The following THBS1 variants were observed in gnomAD, a reference collection of about 807,000 sequenced individuals.
THBS1 encodes thrombospondin-1.
THBS1 carries 29 observed loss-of-function variants against 126.1 expected under a neutral mutation model. The ratio of observed to expected loss-of-function variants is 0.23; its 90% CI spans 0.17 to 0.31. THBS1 has a LOEUF of 0.31. THBS1 is among the 10% of genes least tolerant of loss of function. THBS1 has a pLI of 1.00. For missense variants in THBS1, 1,198 were observed against 1,545.2 expected (o/e 0.78, Z 3.77); for synonymous variants, 496 against 577.8 (o/e 0.86, Z 2.03).
chr15:39,595,303 C>T, intron 21 of THBS1, 59 bp from the exon 22 acceptor site: 1 of 1,087,302 alleles, frequency 9.2e-7, no homozygotes, highest in Non-Finnish European at 1.3e-6. Context: ...ACTAAGATGT[C>T]TATGCTTTTA....
In THBS1 at chr15:39,584,526, T is replaced by C. The variant is rs568429484; in HGVS notation, c.1026+104T>C. 2.0e-5 allele frequency: 30 copies of C among 1,467,474 alleles called. No individual in the cohort carries two copies. The East Asian group carries it at 6.2e-4, about 30-fold the overall frequency. The allele number at this position is 1,467,474 out of a possible 1,614,324, so 90.9% of individuals were successfully genotyped here. On this transcript the variant is annotated intron_variant, in intron 6 of 21. Coordinates refer to ENST00000260356, the MANE Select transcript of THBS1 (RefSeq NM_003246.4). ...CCACAGAGATTCTTTTTATGTTCCATGGCCTGATAACAAAGTGTTTTTTTT... is the reference window on the plus strand; with the variant it reads ...CCACAGAGATTCTTTTTATGTTCCACGGCCTGATAACAAAGTGTTTTTTTT...
At chr15:39,581,788 A>G (rs1292348045) in intron 1 of THBS1, 41 bp from the exon 2 acceptor site, 4 of 1,377,922 alleles carry the variant, frequency 2.9e-6, no homozygotes, top group Non-Finnish European at 3.1e-6. Context: ...CTCCCTGCCT[A>G]GCTGATCTCT....
Position 39,583,778 on chromosome 15 carries a change from A to G in THBS1, c.703+86A>G, listed in dbSNP as rs1424665720. 9.1e-6 allele frequency: 13 copies of G among 1,434,504 alleles called. No homozygotes were observed. In the African/African-American group the frequency reaches 1.8e-4, roughly 20 times the overall value. 88.9% of individuals were successfully genotyped at this position (1,434,504 alleles called of 1,614,324 possible). On this transcript the variant is annotated intron_variant, in intron 4 of 21. Coordinates refer to ENST00000260356, the MANE Select transcript of THBS1 (RefSeq NM_003246.4). ...ACTGAGGAATTTAGCAATAGTGGTT[A>G]TACATAAATTACCCCCAGTGAGATC...
Position 39,593,131 on chromosome 15 carries a change from C to G in THBS1, c.2899C>G (p.Pro967Ala). 1 of 1,600,598 alleles carries G rather than the reference C, an allele frequency of 6.2e-7. No individual in the cohort carries two copies. Among genetic ancestry groups the G allele is most frequent in the Non-Finnish European group, 8.5e-7 (1 of 1,174,216 alleles). Residue 967 changes from proline to alanine, a missense_variant, in exon 18 of 22, where the codon CCC (proline) becomes GCC (alanine). Around this residue, in one of 4 missense-constraint regions of THBS1, gnomAD observed 255 missense variants for 373.9 expected, o/e 0.68. Transcript: ENST00000260356. The surrounding 1 kb of genome is among the most constrained non-coding windows in gnomAD (Gnocchi z 5.9). The stretch of plus-strand genomic sequence containing the variant: ...CCGATTCCAGATGATTCCTCTGGAC[C>G]CCAAAGGGACATCCCAAAATGACCC... Reference protein sequence around the residue: ...FRRFQMIPLDPKGTSQNDPNW... With the variant: ...FRRFQMIPLDAKGTSQNDPNW...
At chr15:39,588,304 G>T in intron 9 of THBS1, 86 bp downstream of exon 9, 1 of 1,489,250 alleles carries the variant, frequency 6.7e-7, no homozygotes, top group South Asian at 1.3e-5. Context: ...GCAGTTCAGT[G>T]GGTCATAGAG....
Position 39,595,743 on chromosome 15 carries a change from C to CA in THBS1, c.*375dup. 1 of 487,712 alleles carries CA rather than the reference C, an allele frequency of 2.1e-6. No individual in the cohort carries two copies. Among genetic ancestry groups the CA allele is most frequent in the Admixed American group, 2.3e-5 (1 of 43,502 alleles). 30.2% of individuals were successfully genotyped at this position (487,712 alleles called of 1,614,324 possible). A position where few individuals can be genotyped will look rare whatever the true frequency, so the allele number is the denominator to read the frequency against. On this transcript the variant is annotated 3_prime_UTR_variant, in exon 22 of 22. Coordinates refer to ENST00000260356, the MANE Select transcript of THBS1 (RefSeq NM_003246.4). ...GACTCAAAAGCATTTTCAGGCATGTCAGAGAAGGGAGGACTCACTAGAATT... is the reference window on the plus strand; with the variant it reads ...GACTCAAAAGCATTTTCAGGCATGTCAAGAGAAGGGAGGACTCACTAGAATT...
chr15:39,593,085 C>T lies in THBS1; in HGVS notation c.2853C>T (p.Asp951=), dbSNP rs115857092. 320 of 1,600,474 alleles carry T rather than the reference C, an allele frequency of 2.0e-4. No individual in the cohort carries two copies. In the African/African-American group the frequency reaches 3.7e-3, roughly 19 times the overall value. The change falls in exon 18 of 22, where the codon GAC becomes GAT. Residue 951 remains aspartate (D), a synonymous_variant. Coordinates refer to ENST00000260356, the MANE Select transcript of THBS1 (RefSeq NM_003246.4). The surrounding 1 kb of genome is among the most constrained non-coding windows in gnomAD (Gnocchi z 5.9). The part of the protein sequence containing the change: ...DIDDICPENV[D]ISETDFRRFQ... ...ATGACATCTGTCCTGAGAATGTTGA[C>T]ATCAGTGAGACCGATTTCCGCCGAT...
At chr15:39,591,159 A>C in intron 14 of THBS1, 32 bp from the exon 15 acceptor site, 1 of 1,606,730 alleles carries the variant, frequency 6.2e-7, no homozygotes, top group East Asian at 2.2e-5. Flanking sequence ...CAAGGACAAC[A>C]TTGTTAAGTG....
chr15:39,588,456 G>GGA (rs1412782012), intron 9 of THBS1, 70 bp from the exon 10 acceptor site: 3 of 1,503,616 alleles, frequency 2.0e-6, no homozygotes, highest in East Asian at 2.3e-5. Flanking sequence ...AACGGGCTTA[G>GGA]GAGAGTCTAT....
chr15:39,585,720 C>T (rs41406047), intron 7 of THBS1, among the ~76,000 whole-genome samples, 157 bp downstream of exon 7: 3,569 of 152,326 alleles, frequency 0.023, 129 homozygotes, highest in African/African-American at 0.082. Flanking sequence ...AGCTTATCTG[C>T]TGTACAGAGC....
rs1172717348 is a variant in THBS1 at position 39,595,580 on chromosome 15, G to GA, written c.*212dup. 1 of 634,700 alleles carries GA rather than the reference G, an allele frequency of 1.6e-6. No individual in the cohort carries two copies. Among genetic ancestry groups the GA allele is most frequent in the African/African-American group, 1.8e-5 (1 of 54,956 alleles). 39.3% of individuals were successfully genotyped at this position (634,700 alleles called of 1,614,324 possible). A position where few individuals can be genotyped will look rare whatever the true frequency, so the allele number is the denominator to read the frequency against. On this transcript the variant is annotated 3_prime_UTR_variant, in exon 22 of 22. Coordinates refer to ENST00000260356, the MANE Select transcript of THBS1 (RefSeq NM_003246.4). Reference sequence around the variant, plus strand: ...TCAGCATTCAGCCTCCAATGAATAAGACATCTTCCAAGCATATAAACAATT... The same window carrying GA: ...TCAGCATTCAGCCTCCAATGAATAAGAACATCTTCCAAGCATATAAACAATT...
At position 39,589,015 on chromosome 15, in the gene THBS1, G is replaced by T; in HGVS notation, c.1702G>T (p.Gly568Cys). The change falls in exon 11 of 22, where the codon GGC (glycine) becomes TGC (cysteine). Residue 568 changes from glycine (G) to cysteine (C), a missense_variant. Physicochemically the swap from Gly to Cys is radical, Grantham distance 159. Transcript: ENST00000260356. The surrounding 1 kb of genome is among the most constrained non-coding windows in gnomAD (Gnocchi z 4.7). ...AGVKCTSYPD[G>C]SWKCGACPPG... is the part of the protein sequence containing the mutation. The stretch of plus-strand genomic sequence containing the variant: ...CGTGAAGTGTACTAGCTACCCTGAT[G>T]GCAGCTGGAAATGTGGTGCTTGTCC... 4 of 1,614,074 alleles carry T rather than the reference G, an allele frequency of 2.5e-6. No homozygotes were observed. Among genetic ancestry groups the T allele is most frequent in the Non-Finnish European group, 3.4e-6 (4 of 1,180,020 alleles).
At position 39,591,245 on chromosome 15, in the gene THBS1, G is replaced by A. The variant is rs1470549981; in HGVS notation, c.2308G>A (p.Val770Met). Residue 770 changes from valine to methionine, a missense_variant, in exon 15 of 22, where the codon GTG becomes ATG. Val to Met is a conservative substitution (Grantham distance 21). Transcript: ENST00000260356. ...PAQYDYDRDD[V>M]GDRCDNCPYN... is the part of the protein sequence containing the mutation. Reference sequence around the variant, plus strand: ...TCAGTATGACTATGACAGAGATGATGTGGGAGACCGCTGTGACAACTGTCC... The same window carrying A: ...TCAGTATGACTATGACAGAGATGATATGGGAGACCGCTGTGACAACTGTCC... The A allele has an allele frequency of 1.2e-6, 2 of 1,614,084 alleles. No homozygotes were observed. The highest frequency in any genetic ancestry group is 1.7e-6 in the Non-Finnish European group (2 of 1,180,054).
chr15:39,591,386 C>T (rs1890325375), intron 15 of THBS1, 36 bp downstream of exon 15: 2 of 1,599,622 alleles, frequency 1.3e-6, no homozygotes, highest in South Asian at 1.1e-5. Flanking sequence ...CCGCGGGAGA[C>T]AGGGACATGC....
At position 39,591,640 on chromosome 15, in the gene THBS1, C is replaced by G. The variant is rs1268933570; in HGVS notation, c.2532+17C>G. Reference sequence around the variant, plus strand: ...CCGGATCAGGTAGGTGGATGGACTCCTTTCAGAGTCTTTCAGTAAACTGTT... The same window carrying G: ...CCGGATCAGGTAGGTGGATGGACTCGTTTCAGAGTCTTTCAGTAAACTGTT... On this transcript the variant is annotated intron_variant, in intron 16 of 21. Coordinates refer to ENST00000260356, the MANE Select transcript of THBS1 (RefSeq NM_003246.4). 3 of 1,586,396 alleles carry G rather than the reference C, an allele frequency of 1.9e-6. No homozygotes were observed. Among genetic ancestry groups the G allele is most frequent in the East Asian group, 2.2e-5 (1 of 44,760 alleles).
Position 39,588,116 on chromosome 15 carries a change from A to G in THBS1, c.1369A>G (p.Thr457Ala). Reference sequence around the variant, plus strand: ...TGTGACATGTGGTGATGGTGTGATCACAAGGATCCGGCTCTGCAACTCTCC... The same window carrying G: ...TGTGACATGTGGTGATGGTGTGATCGCAAGGATCCGGCTCTGCAACTCTCC... ...CSVTCGDGVI[T>A]RIRLCNSPSP... The change falls in exon 9 of 22, where the codon ACA (threonine) becomes GCA (alanine). Residue 457 changes from threonine to alanine, a missense_variant. Transcript: ENST00000260356. 6.2e-7 allele frequency: 1 copy of G among 1,614,222 alleles called. No individual in the cohort carries two copies. The highest frequency in any genetic ancestry group is 1.1e-5 in the South Asian group (1 of 91,082).
At position 39,592,904 on chromosome 15, in the gene THBS1, C is replaced by A. The variant is rs557665637; in HGVS notation, c.2768-96C>A. The A allele has an allele frequency of 5.9e-6, 9 of 1,536,516 alleles. No homozygotes were observed. Among genetic ancestry groups the A allele is most frequent in the African/African-American group, 5.4e-5 (4 of 73,570 alleles). On this transcript the variant is annotated intron_variant, in intron 17 of 21. Transcript: ENST00000260356. The surrounding 1 kb of genome is among the most constrained non-coding windows in gnomAD (Gnocchi z 4.3). ...CAAAGCATTTGACAGGATGAAGGGA[C>A]CAAATGCCAACTTAGACAAGATAGT...
chr15:39,593,678 A>G lies in THBS1; in HGVS notation c.3267+10A>G, dbSNP rs371532308. 295 of 1,612,078 alleles carry G rather than the reference A, an allele frequency of 1.8e-4. No homozygotes were observed. The Middle Eastern group carries it at 2.0e-3, about 11-fold the overall frequency. On this transcript the variant is annotated intron_variant, in intron 19 of 21. Transcript: ENST00000260356. This position sits in a 1 kb window ranked among gnomAD's most constrained non-coding sequence, Gnocchi z 5.9. ...AAACACCCCTGGCCAGGTAAGAAGC[A>G]AAGCCCTGGAACAGAGAGAGAGCTT...
At position 39,597,280 on chromosome 15, in the gene THBS1, G is replaced by GTTTTTTTTCTTTTTTTTTTTTTT. The variant is rs1890477535; in HGVS notation, c.*1919_*1920insCTTTTTTTTTTTTTTTTTTTTTT. On this transcript the variant is annotated 3_prime_UTR_variant, in exon 22 of 22. Coordinates refer to ENST00000260356, the MANE Select transcript of THBS1 (RefSeq NM_003246.4). The stretch of plus-strand genomic sequence containing the variant: ...GTTGGTTTTTTCTTTTTTTTGTTTT[G>GTTTTTTTTCTTTTTTTTTTTTTT]TTTTTTTTTTTTTTTTTTTTTGCTT... The GTTTTTTTTCTTTTTTTTTTTTTT allele has an allele frequency of 2.1e-5, 1 of 48,044 alleles. No individual in the cohort carries two copies. The highest frequency in any genetic ancestry group is 4.0e-5 in the Non-Finnish European group (1 of 25,238). 3.0% of individuals were successfully genotyped at this position (48,044 alleles called of 1,614,324 possible).
Sources: allele counts gnomAD v4.1 joint callset (sites outside exome capture counted in the v4.1 genomes callset), GRCh38; gene constraint gnomAD v4.1.1; regional missense constraint gnomAD v4.1.1; non-coding constraint Gnocchi (gnomAD v3.1); transcripts MANE v1.5; gene names NCBI Gene and HGNC (gene_info 2026-07-23, HGNC 2026-07-21).